The following LAMA3 variants were observed in gnomAD, a reference collection of about 807,000 sequenced individuals.
The protein encoded by LAMA3 is laminin subunit alpha-3.
A neutral mutation model predicts 402.0 loss-of-function variants in LAMA3; 281 were observed. The observed-to-expected ratio is 0.70, with a 90% CI of 0.63 to 0.77. The LOEUF (loss-of-function observed/expected upper bound fraction) is 0.77, where lower values mean the gene tolerates loss of function less well. LAMA3 is among the 30% of genes least tolerant of loss of function. LAMA3 has a pLI of 0.00. For synonymous variants in LAMA3, 1,431 were observed against 1,558.4 expected, an observed-to-expected ratio of 0.92 and a Z score of 1.93; for missense variants, 3,840 against 4,215.5, an observed-to-expected ratio of 0.91 and a Z score of 2.47.
Position 23,689,583 on chromosome 18 carries a change from G to C in LAMA3, c.-101G>C. 1 of 1,130,006 alleles carries C rather than the reference G, an allele frequency of 8.8e-7. No homozygotes were observed. Among genetic ancestry groups the C allele is most frequent in the African/African-American group, 1.6e-5 (1 of 61,912 alleles). The allele number at this position is 1,130,006 out of a possible 1,614,324, so 70.0% of individuals were successfully genotyped here. A position where few individuals can be genotyped will look rare whatever the true frequency, so the allele number is the denominator to read the frequency against. ...CGGCGCCGCCCATATCCCCGGCTGC[G>C]CTAGTCCTGGCGCTGCAGGTCCGGG... is the stretch of plus-strand genomic sequence containing the variant. On this transcript the variant is annotated 5_prime_UTR_variant, in exon 1 of 75. Transcript: ENST00000313654.
At chr18:23,898,088 TGG>T (rs1296973977) in intron 44 of LAMA3, among the ~76,000 whole-genome samples, 1 of 152,182 alleles carries the variant, frequency 6.6e-6, no homozygotes, top group African/African-American at 2.4e-5. Flanking sequence ...TTCCAAAAAA[TGG>T]AAAATAATCA....
intron 13 of LAMA3, among the ~76,000 whole-genome samples, chr18:23,812,687 G>C (rs1253132663): frequency 6.6e-6 from 1 of 152,220 alleles, no homozygotes; most frequent in Non-Finnish European, 1.5e-5. Flanking sequence ...AGAAATTCTA[G>C]AACGTCTTTT....
At position 23,903,921 on chromosome 18, in the gene LAMA3, T is replaced by C. The variant is rs576255849; in HGVS notation, c.6319-12T>C. 146 of 1,602,866 alleles carry C rather than the reference T, an allele frequency of 9.1e-5. No individual in the cohort carries two copies. The highest frequency in any genetic ancestry group is 1.9e-4 in the Middle Eastern group (1 of 5,300). On this transcript the variant is annotated splice_polypyrimidine_tract_variant and intron_variant, in intron 49 of 74. Transcript: ENST00000313654. Reference sequence around the variant, plus strand: ...TGAATTTATACTGTCTTTGTTTATTTGGAAAAAATAGGAATATGAAAAATT... The same window carrying C: ...TGAATTTATACTGTCTTTGTTTATTCGGAAAAAATAGGAATATGAAAAATT...
chr18:23,842,732 A>T lies in LAMA3; in HGVS notation c.3585A>T (p.Glu1195Asp), dbSNP rs1484753997. Residue 1195 changes from glutamate to aspartate, a missense_variant, in exon 29 of 75, where the codon GAA becomes GAT. Physicochemically the swap from Glu to Asp is conservative, Grantham distance 45 (BLOSUM62 2). This residue lies in a region of LAMA3 where 2,109 missense variants were observed against 2,376.0 expected (regional missense o/e 0.89). Transcript: ENST00000313654. ...TGGCCGCAACTGTGAAGGTTCCAGA[A>T]GGAAAGTCCTTGGTTTTGGTGCGTT... is the stretch of plus-strand genomic sequence containing the variant. ...PEVAATVKVP[E>D]GKSLVLVRVL... 1 of 1,614,230 alleles carries T rather than the reference A, an allele frequency of 6.2e-7. No homozygotes were observed.
chr18:23,900,268 A>G (rs1001414672), intron 47 of LAMA3, among the ~76,000 whole-genome samples: 3 of 152,098 alleles, frequency 2.0e-5, no homozygotes, highest in African/African-American at 4.8e-5. Flanking sequence ...ACAGGGTTTT[A>G]CCATTTTGGC....
chr18:23,713,355 C>T (rs545564032), intron 1 of LAMA3, among the ~76,000 whole-genome samples: 26 of 152,176 alleles, frequency 1.7e-4, no homozygotes, highest in Non-Finnish European at 3.8e-4. Flanking sequence ...AAGTCCTATC[C>T]GTCCTCCCAG....
At position 23,950,148 on chromosome 18, in the gene LAMA3, G is replaced by A. The variant is rs933232932; in HGVS notation, c.9631G>A (p.Glu3211Lys). Residue 3211 changes from glutamate (E) to lysine (K), a missense_variant, in exon 72 of 75, where the codon GAG (glutamate) becomes AAG (lysine). This residue lies in a region of LAMA3 where 840 missense variants were observed against 981.9 expected (regional missense o/e 0.86). Coordinates refer to ENST00000313654, the MANE Select transcript of LAMA3 (RefSeq NM_198129.4). The part of the protein sequence containing the change: ...QPGKHLCVYL[E>K]AGKVTASMDS... ...CGGGAAGCACTTATGTGTTTACCTG[G>A]AGGCAGGAAAGGTGTGTAGCAGTCT... is the stretch of plus-strand genomic sequence containing the variant. 5 of 1,614,112 alleles carry A rather than the reference G, an allele frequency of 3.1e-6. No individual in the cohort carries two copies. The highest frequency in any genetic ancestry group is 4.2e-6 in the Non-Finnish European group (5 of 1,180,022).
chr18:23,946,948 C>T (rs943997037), intron 70 of LAMA3: 5 of 152,268 alleles, frequency 3.3e-5, no homozygotes, highest in Non-Finnish European at 7.3e-5. Context: ...TCCTTGTCCT[C>T]GTCCAAACGC....
At chr18:23,826,211 C>T (rs938799900) in intron 21 of LAMA3, among the ~76,000 whole-genome samples, 3 of 152,180 alleles carry the variant, frequency 2.0e-5, no homozygotes, top group Non-Finnish European at 4.4e-5. Context: ...CATGTTCTTC[C>T]TCTCGTTTCT....
At chr18:23,690,915 A>G (rs867913132) in intron 1 of LAMA3, among the ~76,000 whole-genome samples, 1 of 100,386 alleles carries the variant, frequency 1.0e-5, no homozygotes, top group Non-Finnish European at 2.4e-5. Flanking sequence ...TTATTTATTT[A>G]TTTATTTTTC....
intron 6 of LAMA3, 91 bp from the exon 7 acceptor site, chr18:23,758,305 G>C: frequency 1.2e-6 from 1 of 850,328 alleles, no homozygotes. Flanking sequence ...GGATGACCGT[G>C]ATGACTCGTG....
chr18:23,793,905 G>A (rs1373597878), intron 12 of LAMA3, among the ~76,000 whole-genome samples: 1 of 152,220 alleles, frequency 6.6e-6, no homozygotes, highest in Non-Finnish European at 1.5e-5. Flanking sequence ...TGGGGTTCCC[G>A]CAAACCTCCT....
intron 55 of LAMA3, among the ~76,000 whole-genome samples, chr18:23,910,435 G>A (rs1035821063): frequency 2.0e-5 from 3 of 152,222 alleles, no homozygotes; most frequent in African/African-American, 7.2e-5. Flanking sequence ...AAAGCAGTAA[G>A]TAAGTGCTTT....
At chr18:23,774,687 C>T (rs150584012) in intron 9 of LAMA3, among the ~76,000 whole-genome samples, 69 of 152,296 alleles carry the variant, frequency 4.5e-4, no homozygotes, top group East Asian at 2.3e-3. Context: ...AGTTGGAAAG[C>T]AATTCCAGTC....
chr18:23,745,295 G>C (rs2061634352), intron 2 of LAMA3, among the ~76,000 whole-genome samples: 1 of 152,076 alleles, frequency 6.6e-6, no homozygotes, highest in Non-Finnish European at 1.5e-5. Context: ...TGTCCTGTAG[G>C]AGAGGACAGA....
Position 23,775,913 on chromosome 18 carries a change from A to G in LAMA3, c.1395A>G (p.Pro465=). Residue 465 remains proline, a synonymous_variant, in exon 10 of 75, where the codon CCA becomes CCG. Coordinates refer to ENST00000313654, the MANE Select transcript of LAMA3 (RefSeq NM_198129.4). The part of the protein sequence containing the change: ...EKCAIGYYNF[P]FCLRIPIFPV... ...GTGCAATTGGATACTACAATTTCCC[A>G]TTTTGCTTGAGTAAGTACCCACTGC... 5 of 1,614,090 alleles carry G rather than the reference A, an allele frequency of 3.1e-6. No individual in the cohort carries two copies. The highest frequency in any genetic ancestry group is 4.2e-6 in the Non-Finnish European group (5 of 1,180,018).
chr18:23,847,904 C>CCTTG (rs1010659759), intron 32 of LAMA3, among the ~76,000 whole-genome samples: 6 of 152,200 alleles, frequency 3.9e-5, no homozygotes, highest in African/African-American at 1.2e-4. Context: ...CCGGCAGCAG[C>CCTTG]CTTGCCCATT....
At position 23,858,413 on chromosome 18, in the gene LAMA3, C is replaced by G. The variant is rs77665135; in HGVS notation, c.4282-276C>G. Among the ~76,000 whole-genome samples, 717 of 152,200 alleles carry G rather than the reference C, an allele frequency of 4.7e-3. 1 individual carries two copies. The highest frequency in any genetic ancestry group is 6.3e-3 in the Non-Finnish European group (428 of 68,006). The stretch of plus-strand genomic sequence containing the variant: ...GTGGTGAGTGAGATGAATTGGTCTC[C>G]CCATCCTGTGAACCGTATGGTGCTA... On this transcript the variant is annotated intron_variant, in intron 33 of 74. Transcript: ENST00000313654.
chr18:23,864,951 G>T, intron 36 of LAMA3, 68 bp downstream of exon 36: 2 of 983,118 alleles, frequency 2.0e-6, no homozygotes, highest in South Asian at 1.3e-5. Flanking sequence ...CTAAATTTAG[G>T]ACATCTTGAT....
Sources: allele counts gnomAD v4.1 joint callset (sites outside exome capture counted in the v4.1 genomes callset), GRCh38; gene constraint gnomAD v4.1.1; regional missense constraint gnomAD v4.1.1; transcripts MANE v1.5; gene names NCBI Gene and HGNC (gene_info 2026-07-23, HGNC 2026-07-21).